Variants in GABPA observed in about 807,000 individuals in gnomAD.
GABPA encodes the protein GA binding protein transcription factor subunit alpha.
Under a neutral mutation model 59.4 loss-of-function variants are expected in GABPA, and 4 were observed. The ratio of observed to expected loss-of-function variants is 0.07; its 90% CI spans 0.03 to 0.15. The LOEUF is 0.15. GABPA is among the 10% of genes least tolerant of loss of function. The pLI, the probability that GABPA is intolerant of heterozygous loss-of-function variation, is 1.00. For synonymous variants in GABPA, 164 were observed against 183.1 expected, an observed-to-expected ratio of 0.90 and a Z score of 0.84; for missense variants, 251 against 543.8, an observed-to-expected ratio of 0.46 and a Z score of 5.36.
chr21:25,757,943 A>G, intron 5 of GABPA, 67 bp from the exon 6 acceptor site: 1 of 878,542 alleles, frequency 1.1e-6, no homozygotes. Context: ...GTGTATTGAG[A>G]AGTTAACTGT....
intron 4 of GABPA, 42 bp from the exon 5 acceptor site, chr21:25,751,947 G>A (rs568768813): frequency 1.4e-5 from 23 of 1,596,886 alleles, no homozygotes; most frequent in Admixed American, 3.4e-5. Flanking sequence ...TGACTTCTGC[G>A]TTTTCATTTA....
At chr21:25,761,609 G>T (rs759333808) in intron 6 of GABPA, among the ~76,000 whole-genome samples, 1 of 152,186 alleles carries the variant, frequency 6.6e-6, no homozygotes, top group Non-Finnish European at 1.5e-5. Flanking sequence ...TGCAATTTGT[G>T]ATGGGCACAA....
intron 2 of GABPA, 22 bp downstream of exon 2, chr21:25,741,697 A>G: frequency 6.5e-7 from 1 of 1,531,768 alleles, no homozygotes; most frequent in East Asian, 2.3e-5. Context: ...TGAATTTATC[A>G]TTTTTTTTCA....
chr21:25,762,205 G>T, intron 6 of GABPA, 107 bp from the exon 7 acceptor site: 1 of 593,442 alleles, frequency 1.7e-6, no homozygotes, highest in Non-Finnish European at 3.0e-6. Flanking sequence ...GGTTTTAATT[G>T]TGGAGTTCTT....
At chr21:25,765,794 A>G (rs908354591) in intron 9 of GABPA, among the ~76,000 whole-genome samples, 2 of 152,046 alleles carry the variant, frequency 1.3e-5, no homozygotes, top group Admixed American at 6.6e-5. Flanking sequence ...TATACATACA[A>G]GTCCCCTCAA....
intron 3 of GABPA, 62 bp from the exon 4 acceptor site, chr21:25,748,974 A>G: frequency 1.0e-6 from 1 of 996,466 alleles, no homozygotes; most frequent in South Asian, 1.3e-5. Context: ...TCTAAACCAA[A>G]GGCAAGGGAC....
At chr21:25,750,938 AC>A (rs1338356167) in intron 4 of GABPA, among the ~76,000 whole-genome samples, 1 of 152,174 alleles carries the variant, frequency 6.6e-6, no homozygotes, top group Non-Finnish European at 1.5e-5. Context: ...TCTTTAAACT[AC>A]CTGAGAATGA....
intron 5 of GABPA, among the ~76,000 whole-genome samples, chr21:25,756,348 C>A (rs553278914): frequency 4.3e-4 from 65 of 152,248 alleles, no homozygotes; most frequent in Admixed American, 2.0e-3. Flanking sequence ...TTCTTGTCGA[C>A]TTTTACCTGG....
chr21:25,762,016 T>C (rs2146093462), intron 6 of GABPA, among the ~76,000 whole-genome samples: 1 of 152,334 alleles, frequency 6.6e-6, no homozygotes, highest in Middle Eastern at 3.4e-3. Flanking sequence ...TGGCTTTATG[T>C]GGATTTCAAT....
intron 5 of GABPA, 77 bp from the exon 6 acceptor site, chr21:25,757,933 G>C: frequency 6.6e-6 from 4 of 609,752 alleles, no homozygotes. Flanking sequence ...GTGTATGTGT[G>C]TGTATTGAGA....
At chr21:25,761,021 T>A (rs901599052) in intron 6 of GABPA, among the ~76,000 whole-genome samples, 1 of 152,162 alleles carries the variant, frequency 6.6e-6, no homozygotes, top group African/African-American at 2.4e-5. Context: ...CTTTTGAGGC[T>A]AGGTTCCTTT....
intron 6 of GABPA, among the ~76,000 whole-genome samples, chr21:25,758,880 G>A (rs529673063): frequency 6.6e-6 from 1 of 152,220 alleles, no homozygotes; most frequent in African/African-American, 2.4e-5. Flanking sequence ...GACCAGCCTG[G>A]CCAACGTGGT....
At chr21:25,768,004 G>A (rs935084149) in intron 9 of GABPA, among the ~76,000 whole-genome samples, 3 of 151,996 alleles carry the variant, frequency 2.0e-5, no homozygotes, top group African/African-American at 7.2e-5. Flanking sequence ...CTTTGTCAGT[G>A]GGCAGTGCAA....
chr21:25,751,244 AT>A (rs1030981242), intron 4 of GABPA, among the ~76,000 whole-genome samples: 2 of 138,350 alleles, frequency 1.4e-5, no homozygotes, highest in African/African-American at 5.4e-5. Flanking sequence ...TTATAATTTA[AT>A]TAGGTATAAT....
At chr21:25,757,103 A>AT (rs578034243) in intron 5 of GABPA, among the ~76,000 whole-genome samples, 5 of 151,874 alleles carry the variant, frequency 3.3e-5, no homozygotes, top group Non-Finnish European at 7.4e-5. Flanking sequence ...CCTAAATGTT[A>AT]TTTTTTTTCT....
chr21:25,746,087 C>T (rs912929373), intron 3 of GABPA, among the ~76,000 whole-genome samples: 1 of 151,722 alleles, frequency 6.6e-6, no homozygotes, highest in Non-Finnish European at 1.5e-5. Flanking sequence ...TTTCGGGTCA[C>T]TGCAACCTCC....
chr21:25,765,460 A>AT (rs1332003015), intron 9 of GABPA, among the ~76,000 whole-genome samples: 1 of 151,872 alleles, frequency 6.6e-6, no homozygotes, highest in Non-Finnish European at 1.5e-5. Context: ...AAAGATTATA[A>AT]TTTAGCTCAC....
chr21:25,758,767 T>A (rs575659218), intron 6 of GABPA, among the ~76,000 whole-genome samples: 56 of 152,214 alleles, frequency 3.7e-4, no homozygotes, highest in African/African-American at 1.3e-3. Context: ...TGGTTATAAG[T>A]TTTTCCACTT....
At chr21:25,744,068 C>A in intron 2 of GABPA, among the ~76,000 whole-genome samples, 1 of 126,912 alleles carries the variant, frequency 7.9e-6, no homozygotes, top group African/African-American at 3.8e-5. Context: ...AAAAAACCTA[C>A]CAGGCTATAG....
Sources: gnomAD v4.1 joint callset for allele counts (sites outside exome capture counted in the v4.1 genomes callset) on GRCh38, gnomAD v4.1.1 for gene constraint, MANE v1.5 for transcripts, NCBI Gene and HGNC (gene_info 2026-07-23, HGNC 2026-07-21) for gene names.